Variants in TRIO observed in about 807,000 individuals in gnomAD.
TRIO encodes trio Rho guanine nucleotide exchange factor.
Under a neutral mutation model 351.9 loss-of-function variants are expected in TRIO, and 58 were observed. The observed-to-expected ratio is 0.16, with a 90% CI of 0.13 to 0.21. TRIO has a LOEUF of 0.21. Among genes scored for constraint, TRIO ranks in the 10% least tolerant of loss-of-function variants. The pLI, the probability that TRIO is intolerant of heterozygous loss-of-function variation, is 1.00. For missense variants in TRIO, 3,201 were observed against 4,027.8 expected (o/e 0.79, Z 5.56); for synonymous variants, 1,758 against 1,595.7 (o/e 1.10, Z -2.42).
At chr5:14,278,579 G>A (rs904954587) in intron 2 of TRIO, among the ~76,000 whole-genome samples, 2 of 152,178 alleles carry the variant, frequency 1.3e-5, no homozygotes, top group African/African-American at 4.8e-5. Flanking sequence ...TCTGTAATAT[G>A]TGTTGATCTA....
chr5:14,169,973 T>G (rs1385413673), intron 1 of TRIO, among the ~76,000 whole-genome samples: 1 of 152,214 alleles, frequency 6.6e-6, no homozygotes, highest in African/African-American at 2.4e-5. Flanking sequence ...AGAAAAGTGG[T>G]GTTCCAGGTG....
chr5:14,458,271 A>G (rs1261955753), intron 34 of TRIO, among the ~76,000 whole-genome samples: 1 of 152,062 alleles, frequency 6.6e-6, no homozygotes, highest in Non-Finnish European at 1.5e-5. Flanking sequence ...TGATGTTTCC[A>G]TGTAATACTT....
At chr5:14,375,199 C>T (rs780909669) in intron 19 of TRIO, among the ~76,000 whole-genome samples, 1 of 152,146 alleles carries the variant, frequency 6.6e-6, no homozygotes, top group Non-Finnish European at 1.5e-5. Flanking sequence ...GCTTTTTCTT[C>T]TGGAAAAATG....
intron 30 of TRIO, 112 bp from the exon 31 acceptor site, chr5:14,400,851 T>A: frequency 1.1e-6 from 1 of 881,700 alleles, no homozygotes; most frequent in East Asian, 2.7e-5. Context: ...ACTAGTGACG[T>A]TCTTATAACC....
rs1015785732 is a variant in TRIO, at chr5:14,503,868, G to A, written c.8412-525G>A. Among the ~76,000 whole-genome samples the A allele has an allele frequency of 2.6e-5, 4 of 152,214 alleles. 1 individual carries two copies. The highest frequency in any genetic ancestry group is 1.3e-4 in the Admixed American group (2 of 15,286). ...GCCCCCACCTGAGGTCCAAGGCCTC[G>A]TCCAGATCGCGTTGAGTTGTGGCCA... On this transcript the variant is annotated intron_variant, in intron 54 of 56. Coordinates refer to ENST00000344204, the MANE Select transcript of TRIO (RefSeq NM_007118.4).
chr5:14,318,740 G>A (rs1339186448), intron 9 of TRIO, among the ~76,000 whole-genome samples: 2 of 152,174 alleles, frequency 1.3e-5, no homozygotes, highest in Admixed American at 6.5e-5. Flanking sequence ...TCGTGTTTTT[G>A]AATTGTCCAA....
intron 8 of TRIO, among the ~76,000 whole-genome samples, chr5:14,312,594 A>AT (rs1449692110): frequency 6.6e-6 from 1 of 152,124 alleles, no homozygotes; most frequent in East Asian, 1.9e-4. Context: ...AATAAGGTTG[A>AT]TTTTCTTTTT....
chr5:14,396,044 T>TAAAAAAAAAAAAAAAAA (rs557922366), intron 28 of TRIO, among the ~76,000 whole-genome samples: 3 of 64,542 alleles, frequency 4.6e-5, no homozygotes, highest in African/African-American at 1.5e-4. Context: ...AGACTCCGCC[T>TAAAAAAAAAAAAAAAAA]AAAAAAAAAA....
intron 11 of TRIO, among the ~76,000 whole-genome samples, chr5:14,340,908 A>G (rs1005664858): frequency 7.2e-5 from 11 of 152,234 alleles, no homozygotes; most frequent in Non-Finnish European, 1.5e-4. Flanking sequence ...TAGAAATTTC[A>G]GCCCATTTGC....
intron 34 of TRIO, among the ~76,000 whole-genome samples, chr5:14,459,985 G>A (rs890236006): frequency 1.3e-5 from 2 of 151,468 alleles, no homozygotes; most frequent in African/African-American, 4.9e-5. Flanking sequence ...GCGTGATCTT[G>A]GCCCACCGCA....
At chr5:14,233,280 A>C (rs1241283340) in intron 1 of TRIO, among the ~76,000 whole-genome samples, 2 of 149,094 alleles carry the variant, frequency 1.3e-5, no homozygotes, top group Non-Finnish European at 3.0e-5. Flanking sequence ...CAGGAGTTCG[A>C]GACCAGCCTA....
intron 55 of TRIO, 112 bp from the exon 56 acceptor site, chr5:14,507,010 C>A: frequency 7.2e-7 from 1 of 1,390,206 alleles, no homozygotes; most frequent in South Asian, 1.7e-5. Context: ...CCCTGAGATC[C>A]CGATGACACA....
At position 14,509,617 on chromosome 5, in the gene TRIO, T is replaced by G. The variant is rs986910536; in HGVS notation, c.*1195T>G. On this transcript the variant is annotated 3_prime_UTR_variant, in exon 57 of 57. Transcript: ENST00000344204. ...GACATTTACTACTTTTTAGACTTTT[T>G]GACGTTGAACTTTCTGTATAAAAAT... The G allele has an allele frequency of 5.8e-5, 19 of 329,124 alleles. No individual in the cohort carries two copies. Among genetic ancestry groups the G allele is most frequent in the African/African-American group, 4.0e-4 (18 of 45,004 alleles). The allele number at this position is 329,124 out of a possible 1,614,324, so 20.4% of individuals were successfully genotyped here.
intron 32 of TRIO, 140 bp downstream of exon 32, chr5:14,406,130 C>A: frequency 1.6e-6 from 2 of 1,229,468 alleles, no homozygotes; most frequent in Non-Finnish European, 2.2e-6. Flanking sequence ...TGGATAACAT[C>A]ATTCTTAGTA....
intron 10 of TRIO, among the ~76,000 whole-genome samples, chr5:14,331,118 G>T (rs187337694): frequency 6.6e-6 from 1 of 152,378 alleles, no homozygotes; most frequent in African/African-American, 2.4e-5. Context: ...TCTTGGAACA[G>T]AAATGTGACT....
At position 14,264,455 on chromosome 5, in the gene TRIO, G is replaced by C. The variant is rs1299709747; in HGVS notation, c.158-6370G>C. On this transcript the variant is annotated intron_variant, in intron 1 of 56. Transcript: ENST00000344204. ...TCCATATTCTTGTGTGGTCTTGTCT[G>C]TGAACATGTCCATAAGTCTTAATTC... Among the ~76,000 whole-genome samples the C allele has an allele frequency of 2.0e-5, 3 of 152,014 alleles. No homozygotes were observed. In the East Asian group the frequency reaches 5.8e-4, roughly 29 times the overall value.
chr5:14,451,596 G>T (rs1752854172), intron 34 of TRIO, among the ~76,000 whole-genome samples: 1 of 152,274 alleles, frequency 6.6e-6, no homozygotes, highest in South Asian at 2.1e-4. Flanking sequence ...CAAGACAGAA[G>T]TTTGAGAAAT....
At chr5:14,401,116 ATC>A in intron 31 of TRIO, 52 bp downstream of exon 31, 1 of 1,454,222 alleles carries the variant, frequency 6.9e-7, no homozygotes, top group Non-Finnish European at 9.6e-7. Flanking sequence ...TACTGTGGCC[ATC>A]CATGCTTGCT....
chr5:14,183,355 TA>T (rs1179593293), intron 1 of TRIO, among the ~76,000 whole-genome samples: 1 of 152,108 alleles, frequency 6.6e-6, no homozygotes, highest in African/African-American at 2.4e-5. Context: ...CCCCTTCCTT[TA>T]ATAGTAAGTA....
Sources: allele counts gnomAD v4.1 joint callset (sites outside exome capture counted in the v4.1 genomes callset), GRCh38; gene constraint gnomAD v4.1.1; transcripts MANE v1.5; gene names NCBI Gene and HGNC (gene_info 2026-07-23, HGNC 2026-07-21).